The following GRIN1 variants were observed in gnomAD, a reference collection of about 807,000 sequenced individuals.
GRIN1 encodes the protein glutamate ionotropic receptor NMDA type subunit 1, also known as glutamate receptor ionotropic, NMDA 1.
Under a neutral mutation model 103.0 loss-of-function variants are expected in GRIN1, and 38 were observed. The ratio of observed to expected loss-of-function variants is 0.37; its 90% CI spans 0.28 to 0.48. The LOEUF is 0.48. GRIN1 is among the 20% of genes least tolerant of loss of function. The pLI is 0.98. For missense variants in GRIN1, 577 were observed against 1,288.9 expected (o/e 0.45, Z 8.46); for synonymous variants, 544 against 532.7 (o/e 1.02, Z -0.29).
intron 1 of GRIN1, among the ~76,000 whole-genome samples, 187 bp from the exon 2 acceptor site, chr9:137,141,826 G>A (rs987691751): frequency 6.6e-6 from 1 of 152,144 alleles, no homozygotes; most frequent in Non-Finnish European, 1.5e-5. Context: ...AGGTCCGGGT[G>A]GGGTCTCCCT....
chr9:137,140,617 A>G (rs1220565077), intron 1 of GRIN1, among the ~76,000 whole-genome samples: 2 of 152,242 alleles, frequency 1.3e-5, no homozygotes, highest in African/African-American at 4.8e-5. Flanking sequence ...TGTGCCACAC[A>G]CGGCTTGGCA....
At chr9:137,164,134 C>T (rs1392392417) in intron 18 of GRIN1, 1 of 589,366 alleles carries the variant, frequency 1.7e-6, no homozygotes, top group Non-Finnish European at 3.0e-6. Flanking sequence ...AGGCCACGCA[C>T]CCTGCTCCAA....
At chr9:137,166,603 G>C (rs1352155329) in intron 19 of GRIN1, among the ~76,000 whole-genome samples, 2 of 152,282 alleles carry the variant, frequency 1.3e-5, no homozygotes, top group Non-Finnish European at 2.9e-5. Context: ...GAAGCCACCA[G>C]GGTGCCCCAA....
intron 4 of GRIN1, 92 bp from the exon 5 acceptor site, chr9:137,156,577 G>A: frequency 1.3e-6 from 2 of 1,519,932 alleles, no homozygotes; most frequent in Non-Finnish European, 1.8e-6. Flanking sequence ...GGGCTGGGCA[G>A]GTCCCTGCTC....
rs1162796943 is a variant in GRIN1, at chr9:137,139,353, C to T, written c.-134C>T. 2 of 453,190 alleles carry T rather than the reference C, an allele frequency of 4.4e-6. No individual in the cohort carries two copies. The highest frequency in any genetic ancestry group is 6.6e-6 in the Non-Finnish European group (2 of 302,346). 28.1% of individuals were successfully genotyped at this position (453,190 alleles called of 1,614,324 possible). A position where few individuals can be genotyped will look rare whatever the true frequency, so the allele number is the denominator to read the frequency against. On this transcript the variant is annotated 5_prime_UTR_variant, in exon 1 of 20. Transcript: ENST00000371561. This position sits in a 1 kb window ranked among gnomAD's most constrained non-coding sequence, Gnocchi z 7.7. ...CTTCCCTCGGCCGACGTCCCGGGACCGCCGCTCCGGGGGAGACGTGGCGTC... is the reference window on the plus strand; with the variant it reads ...CTTCCCTCGGCCGACGTCCCGGGACTGCCGCTCCGGGGGAGACGTGGCGTC...
Position 137,163,868 on chromosome 9 carries a change from C to T in GRIN1, c.2553C>T (p.Ala851=). 1.2e-6 allele frequency: 2 copies of T among 1,612,870 alleles called. No individual in the cohort carries two copies. The highest frequency in any genetic ancestry group is 1.7e-6 in the Non-Finnish European group (2 of 1,179,920). The stretch of plus-strand genomic sequence containing the variant: ...CTCGCCGGAAGCAGATGCAGCTGGC[C>T]TTTGCCGCCGTTAACGTGTGGCGGA... The part of the protein sequence containing the change: ...KDARRKQMQL[A]FAAVNVWRKN... Residue 851 remains alanine, a synonymous_variant, in exon 18 of 20, where the codon GCC becomes GCT. Transcript: ENST00000371561.
In GRIN1 at chr9:137,158,486, G is replaced by A. The variant is rs141704101; in HGVS notation, c.1076G>A (p.Arg359His). 34 of 1,613,192 alleles carry A rather than the reference G, an allele frequency of 2.1e-5. No individual in the cohort carries two copies. The highest frequency in any genetic ancestry group is 2.2e-5 in the East Asian group (1 of 44,894). The change falls in exon 7 of 20, where the codon CGC (arginine) becomes CAC (histidine). Residue 359 changes from arginine (R) to histidine (H), a missense_variant. This residue lies in a region of GRIN1 where 308 missense variants were observed against 553.6 expected (regional missense o/e 0.56). Coordinates refer to ENST00000371561, the MANE Select transcript of GRIN1 (RefSeq NM_007327.4). ...ANYSIMNLQNRKLVQVGIYNG... is the reference protein window; with the variant it reads ...ANYSIMNLQNHKLVQVGIYNG... ...TACAGCATCATGAACCTGCAGAACC[G>A]CAAGCTGGTGCAAGTGGGCATCTAC... is the stretch of plus-strand genomic sequence containing the variant.
At chr9:137,153,210 C>G (rs1277176626) in intron 4 of GRIN1, among the ~76,000 whole-genome samples, 1 of 151,718 alleles carries the variant, frequency 6.6e-6, no homozygotes, top group Non-Finnish European at 1.5e-5. Context: ...ACACACAACA[C>G]ATACACATGT....
At chr9:137,153,121 G>A (rs937105255) in intron 4 of GRIN1, among the ~76,000 whole-genome samples, 2 of 147,502 alleles carry the variant, frequency 1.4e-5, no homozygotes, top group South Asian at 4.3e-4. Flanking sequence ...ACACACACAC[G>A]TGCACAAATG....
rs1475789016 is a variant in GRIN1 at position 137,168,722 on chromosome 9, G to T, written c.*1195G>T. Reference sequence around the variant, plus strand: ...CACCGCCCAACCCCCACCTCCCGGTGTATGCAGTGGTGATGCCTAAAGGAA... The same window carrying T: ...CACCGCCCAACCCCCACCTCCCGGTTTATGCAGTGGTGATGCCTAAAGGAA... On this transcript the variant is annotated 3_prime_UTR_variant, in exon 20 of 20. Transcript: ENST00000371561. The T allele has an allele frequency of 4.6e-6, 3 of 650,364 alleles. No individual in the cohort carries two copies. The highest frequency in any genetic ancestry group is 3.9e-5 in the East Asian group (1 of 25,400). 40.3% of individuals were successfully genotyped at this position (650,364 alleles called of 1,614,324 possible).
chr9:137,167,746 G>C lies in GRIN1; in HGVS notation c.*219G>C. The C allele has an allele frequency of 6.2e-7, 1 of 1,611,286 alleles. No individual in the cohort carries two copies. Among genetic ancestry groups the C allele is most frequent in the Non-Finnish European group, 8.5e-7 (1 of 1,179,062 alleles). ...TGCCCCCAGCGTGGGGCTAACGGGC[G>C]CCTTGTCTGTGTATTTCTATTTTGC... On this transcript the variant is annotated 3_prime_UTR_variant, in exon 20 of 20. Coordinates refer to ENST00000371561, the MANE Select transcript of GRIN1 (RefSeq NM_007327.4).
At chr9:137,166,817 G>A (rs1256370200) in intron 19 of GRIN1, among the ~76,000 whole-genome samples, 1 of 152,264 alleles carries the variant, frequency 6.6e-6, no homozygotes, top group Non-Finnish European at 1.5e-5. Flanking sequence ...GCAGGGAACA[G>A]GGAGGGGGAA....
In GRIN1 at chr9:137,145,550, C is replaced by T. The variant is rs1251301901; in HGVS notation, c.394-176C>T. On this transcript the variant is annotated intron_variant, in intron 2 of 19. Transcript: ENST00000371561. Reference sequence around the variant, plus strand: ...GAAAGTGTCCCCAGGGTGGTAGGGACGGGGTGGGAGACACGAGGGGGTCCC... The same window carrying T: ...GAAAGTGTCCCCAGGGTGGTAGGGATGGGGTGGGAGACACGAGGGGGTCCC... Among the ~76,000 whole-genome samples, 19 of 33,560 alleles carry T rather than the reference C, an allele frequency of 5.7e-4. 1 individual carries two copies. The South Asian group carries it at 8.3e-3, about 15-fold the overall frequency. 22.0% of individuals were successfully genotyped at this position (33,560 alleles called of 152,430 possible).
At chr9:137,158,571 G>A (rs762748749) in intron 7 of GRIN1, 48 bp downstream of exon 7, 1 of 1,608,144 alleles carries the variant, frequency 6.2e-7, no homozygotes, top group South Asian at 1.1e-5. Context: ...TAGGGTCCTG[G>A]GGCCAAGACC....
intron 8 of GRIN1, among the ~76,000 whole-genome samples, chr9:137,160,621 G>T (rs934327999): frequency 2.6e-5 from 4 of 152,134 alleles, no homozygotes; most frequent in Non-Finnish European, 4.4e-5. Flanking sequence ...CAGTAGAGAC[G>T]GGGTTTCACC....
At chr9:137,140,433 C>T (rs1477232544) in intron 1 of GRIN1, among the ~76,000 whole-genome samples, 1 of 152,268 alleles carries the variant, frequency 6.6e-6, no homozygotes, top group Non-Finnish European at 1.5e-5. Flanking sequence ...GCAAGACAGA[C>T]ATCCAGCCTA....
Position 137,149,047 on chromosome 9 carries a change from C to T in GRIN1, c.609C>T (p.Asn203=), listed in dbSNP as rs199660025. 2.2e-5 allele frequency: 35 copies of T among 1,613,524 alleles called. No individual in the cohort carries two copies. The highest frequency in any genetic ancestry group is 3.3e-5 in the Admixed American group (2 of 59,964). ...KVLQFDPGTK[N]VTALLMEAKE... is the part of the protein sequence containing the mutation. ...TGCAGTTTGACCCAGGGACCAAGAA[C>T]GTGACGGCCCTGCTGATGGAGGCGA... is the stretch of plus-strand genomic sequence containing the variant. Residue 203 remains asparagine, a synonymous_variant, in exon 4 of 20, where the codon AAC becomes AAT. Transcript: ENST00000371561.
intron 4 of GRIN1, among the ~76,000 whole-genome samples, chr9:137,153,029 A>T (rs1832991779): frequency 6.6e-6 from 1 of 151,998 alleles, no homozygotes; most frequent in Admixed American, 6.6e-5. Flanking sequence ...ATGCAGAATC[A>T]TGTACAGGTC....
rs1832550316 is a variant in GRIN1, at chr9:137,146,654, T to A, written c.570+752T>A. ...CCTTCCTTACCACTCCCATTTGCAG[T>A]CTGGGGCAGAGCTGGTTCTCGGCTA... is the stretch of plus-strand genomic sequence containing the variant. On this transcript the variant is annotated intron_variant, in intron 3 of 19. Coordinates refer to ENST00000371561, the MANE Select transcript of GRIN1 (RefSeq NM_007327.4). The surrounding 1 kb of genome is among the most constrained non-coding windows in gnomAD (Gnocchi z 6.7). 6.6e-6 allele frequency among the ~76,000 whole-genome samples: 1 copy of A among 152,024 alleles called. No homozygotes were observed. Among genetic ancestry groups the A allele is most frequent in the African/African-American group, 2.4e-5 (1 of 41,392 alleles).
Sources: gnomAD v4.1 joint callset for allele counts (sites outside exome capture counted in the v4.1 genomes callset) on GRCh38, gnomAD v4.1.1 for gene constraint, gnomAD v4.1.1 regional missense constraint, Gnocchi (gnomAD v3.1) non-coding constraint, MANE v1.5 for transcripts, NCBI Gene and HGNC (gene_info 2026-07-23, HGNC 2026-07-21) for gene names.